DIDO1: variants seen among roughly 807,000 people sequenced by gnomAD.
DIDO1 encodes death inducer-obliterator 1, also known as death-inducer obliterator 1.
A neutral mutation model predicts 99.4 loss-of-function variants in DIDO1; 16 were observed. That is an observed-to-expected ratio of 0.16 (90% CI 0.11 to 0.24). The LOEUF (loss-of-function observed/expected upper bound fraction) is 0.24. Ranked by LOEUF, DIDO1 falls within the 10% of genes least tolerant of loss-of-function variation. The pLI is 1.00. For synonymous variants in DIDO1, 1,366 were observed against 1,239.1 expected (o/e 1.10, Z -2.15); for missense variants, 2,996 against 3,014.0 (o/e 0.99, Z 0.14).
At chr20:62,909,346 G>T (rs906504203) in intron 4 of DIDO1, among the ~76,000 whole-genome samples, 1 of 152,232 alleles carries the variant, frequency 6.6e-6, no homozygotes, top group African/African-American at 2.4e-5. Flanking sequence ...AGCACCCCGA[G>T]GAGCCAGCAC....
In DIDO1 at chr20:62,909,819, G is replaced by A. The variant is rs75810481; in HGVS notation, c.1041C>T (p.Gly347=). The change falls in exon 4 of 16, where the codon GGC becomes GGT. Residue 347 remains glycine (G), a synonymous_variant. Transcript: ENST00000395343. Reference sequence around the variant, plus strand: ...TTGTTCCTATACTTGTACAATCGGTGCCATCAGCATCTCCAGGTCTCCATT... The same window carrying A: ...TTGTTCCTATACTTGTACAATCGGTACCATCAGCATCTCCAGGTCTCCATT... ...EAKWRPGDAD[G]TDCTSIGTIE... is the part of the protein sequence containing the mutation. 3.9e-5 allele frequency: 63 copies of A among 1,614,216 alleles called. No homozygotes were observed. The East Asian group carries it at 1.3e-3, about 34-fold the overall frequency.
At position 62,896,230 on chromosome 20, in the gene DIDO1, C is replaced by T. The variant is rs1158342086; in HGVS notation, c.2214+3G>A. ...CTCCAATGCACCGACACCAGGCACACACCTGATTTTTAGGGTCCTTCAGGT... is the reference window on the plus strand; with the variant it reads ...CTCCAATGCACCGACACCAGGCACATACCTGATTTTTAGGGTCCTTCAGGT... On this transcript the variant is annotated splice_donor_region_variant and intron_variant, in intron 8 of 15. Transcript: ENST00000395343. This position sits in a 1 kb window ranked among gnomAD's most constrained non-coding sequence, Gnocchi z 4.4. The T allele has an allele frequency of 6.2e-7, 1 of 1,612,802 alleles. No individual in the cohort carries two copies. The highest frequency in any genetic ancestry group is 1.7e-5 in the Admixed American group (1 of 59,546).
upstream of DIDO1, among the ~76,000 whole-genome samples, chr20:62,926,929 GAAGAA>G (rs2065267484): frequency 6.6e-6 from 1 of 152,182 alleles, no homozygotes; most frequent in Non-Finnish European, 1.5e-5. Flanking sequence ...GGGGATAAAA[GAAGAA>G]AAGGCCCAGG....
intron 4 of DIDO1, among the ~76,000 whole-genome samples, chr20:62,908,239 T>G (rs777546845): frequency 2.0e-5 from 3 of 152,160 alleles, no homozygotes; most frequent in Non-Finnish European, 2.9e-5. Context: ...TCTTGACTTC[T>G]CAAAGTGCTG....
chr20:62,898,146 C>T (rs959493233), intron 6 of DIDO1, among the ~76,000 whole-genome samples: 1 of 152,210 alleles, frequency 6.6e-6, no homozygotes, highest in Non-Finnish European at 1.5e-5. Context: ...TCAAACCGCA[C>T]TCCTCCCCCG....
chr20:62,933,143 G>A (rs1013551678), intron 1 of DIDO1, among the ~76,000 whole-genome samples: 13 of 152,176 alleles, frequency 8.5e-5, no homozygotes, highest in Admixed American at 1.3e-4. Context: ...ACCGGTAGGC[G>A]GAGGTTGCAG....
chr20:62,894,325 G>C lies in DIDO1; in HGVS notation c.2572+88C>G. 1 of 1,585,136 alleles carries C rather than the reference G, an allele frequency of 6.3e-7. No homozygotes were observed. Among genetic ancestry groups the C allele is most frequent in the Non-Finnish European group, 8.6e-7 (1 of 1,166,244 alleles). ...GGCCCTTCTGCGTGTTTAAGCTTACGTGCGGTTGCTTTTAGGAGGTTCAGT... is the reference window on the plus strand; with the variant it reads ...GGCCCTTCTGCGTGTTTAAGCTTACCTGCGGTTGCTTTTAGGAGGTTCAGT... On this transcript the variant is annotated intron_variant, in intron 11 of 15. Transcript: ENST00000395343. This position sits in a 1 kb window ranked among gnomAD's most constrained non-coding sequence, Gnocchi z 4.4.
At chr20:62,888,833 G>C (rs1177037985) in intron 15 of DIDO1, 13 of 985,358 alleles carry the variant, frequency 1.3e-5, no homozygotes, top group Non-Finnish European at 1.6e-5. Context: ...AAGTGTGTGA[G>C]ATTTCACGCA....
intron 3 of DIDO1, 118 bp downstream of exon 3, chr20:62,910,656 T>C: frequency 1.6e-6 from 2 of 1,222,232 alleles, no homozygotes; most frequent in East Asian, 2.3e-5. Context: ...TGACAACTTG[T>C]TCATCTTTTC....
upstream of DIDO1, among the ~76,000 whole-genome samples, chr20:62,927,733 T>C (rs2065278786): frequency 6.6e-6 from 1 of 152,234 alleles, no homozygotes; most frequent in Non-Finnish European, 1.5e-5. Flanking sequence ...TTTTTAATAA[T>C]ACCGCTGAAG....
At chr20:62,918,762 G>T (rs537309883) in intron 1 of DIDO1, among the ~76,000 whole-genome samples, 18 of 152,240 alleles carry the variant, frequency 1.2e-4, no homozygotes, top group African/African-American at 4.3e-4. Flanking sequence ...TTCTGACAGG[G>T]TAGGCCAAAG....
Position 62,891,162 on chromosome 20 carries a change from T to TG in DIDO1, c.3346-8dup. ...AGCGGATCAGACAGAGCTCCTGCAA[T>TG]GGAAGAGTGGGAAGCACTCATAAAG... is the stretch of plus-strand genomic sequence containing the variant. On this transcript the variant is annotated splice_region_variant and splice_polypyrimidine_tract_variant and intron_variant, in intron 14 of 15. Transcript: ENST00000395343. The TG allele has an allele frequency of 1.2e-6, 2 of 1,613,772 alleles. No individual in the cohort carries two copies. Among genetic ancestry groups the TG allele is most frequent in the African/African-American group, 2.7e-5 (2 of 74,990 alleles).
At chr20:62,890,810 G>T in intron 15 of DIDO1, 150 bp downstream of exon 15, 1 of 1,515,140 alleles carries the variant, frequency 6.6e-7, no homozygotes, top group Non-Finnish European at 8.8e-7. Flanking sequence ...CGCCCTCAAA[G>T]ATGAATCCTA....
chr20:62,927,702 G>C (rs999474968), upstream of DIDO1, among the ~76,000 whole-genome samples: 12 of 152,264 alleles, frequency 7.9e-5, no homozygotes, highest in African/African-American at 2.9e-4. Flanking sequence ...GGATGAACCA[G>C]GGGCTTTGAG....
chr20:62,928,675 C>T (rs986026230), upstream of DIDO1: 4 of 152,196 alleles, frequency 2.6e-5, no homozygotes, highest in Admixed American at 6.6e-5. Context: ...AGGAAACAAA[C>T]TCTTCAGTTG....
intron 1 of DIDO1, among the ~76,000 whole-genome samples, chr20:62,920,537 CAA>C (rs2065118566): frequency 6.6e-6 from 1 of 152,202 alleles, no homozygotes; most frequent in Non-Finnish European, 1.5e-5. Flanking sequence ...AAAAATTGTT[CAA>C]AGACACAGCT....
rs374952547 is a variant in DIDO1 at position 62,888,049 on chromosome 20, C to CCACT, written c.3541+2907_3541+2910dup. Reference sequence around the variant, plus strand: ...TCCTGAGGGTGCTGCGGGGGCAGCTCCACTCTCACTGCCCGACAAGGGCCA... The same window carrying CCACT: ...TCCTGAGGGTGCTGCGGGGGCAGCTCCACTCACTCTCACTGCCCGACAAGGGCCA... On this transcript the variant is annotated intron_variant, in intron 15 of 15. Transcript: ENST00000395343. 54 of 985,530 alleles carry CCACT rather than the reference C, an allele frequency of 5.5e-5. No individual in the cohort carries two copies. In the African/African-American group the frequency reaches 8.7e-4, roughly 16 times the overall value. The allele number at this position is 985,530 out of a possible 1,614,324, so 61.0% of individuals were successfully genotyped here.
chr20:62,910,905 ACTCT>A lies in DIDO1; in HGVS notation c.704_707del (p.Glu235ValfsTer47), dbSNP rs2064918814. 1.2e-6 allele frequency: 2 copies of A among 1,612,938 alleles called. No individual in the cohort carries two copies. The highest frequency in any genetic ancestry group is 8.5e-7 in the Non-Finnish European group (1 of 1,179,768). On this transcript the variant is annotated frameshift_variant, in exon 3 of 16. Transcript: ENST00000395343. LOFTEE classifies it high-confidence loss of function. ...CCTGAGCCGCCTTTCCCTCCAACTT[ACTCT>A]CTCTGTCATCTTTCCCAGCCTGGGA...
intron 1 of DIDO1, among the ~76,000 whole-genome samples, chr20:62,933,119 G>A (rs1036898314): frequency 2.6e-5 from 4 of 152,262 alleles, no homozygotes; most frequent in Admixed American, 1.3e-4. Context: ...GGCTGAGGCA[G>A]GAGAATCGCT....
Sources: allele counts gnomAD v4.1 joint callset (sites outside exome capture counted in the v4.1 genomes callset), GRCh38; gene constraint gnomAD v4.1.1; non-coding constraint Gnocchi (gnomAD v3.1); transcripts MANE v1.5; gene names NCBI Gene and HGNC (gene_info 2026-07-23, HGNC 2026-07-21).